Variants in PIP5K1B observed in about 807,000 individuals in gnomAD.
The protein encoded by PIP5K1B is phosphatidylinositol 4-phosphate 5-kinase type-1 beta.
In PIP5K1B, 42 loss-of-function variants were observed where a neutral mutation model predicts 67.0. The ratio of observed to expected loss-of-function variants is 0.63; its 90% confidence interval spans 0.49 to 0.81. The LOEUF (loss-of-function observed/expected upper bound fraction) is 0.81. PIP5K1B is among the 30% of genes least tolerant of loss of function. The probability of loss-of-function intolerance (pLI) is 0.00; values close to 1 mark genes in which losing one functional copy is unlikely to be tolerated. For missense variants in PIP5K1B, 459 were observed against 646.3 expected (o/e 0.71, Z 3.14); for synonymous variants, 214 against 231.4 (o/e 0.92, Z 0.68).
chr9:68,824,391 T>C (rs1349263265), intron 4 of PIP5K1B: 4 of 389,542 alleles, frequency 1.0e-5, no homozygotes, highest in Non-Finnish European at 1.5e-5. Context: ...CAATAATTAG[T>C]ATAGGTAATT....
chr9:68,970,222 T>C (rs1315781364), intron 14 of PIP5K1B, among the ~76,000 whole-genome samples: 1 of 152,216 alleles, frequency 6.6e-6, no homozygotes, highest in Admixed American at 6.5e-5. Flanking sequence ...TGATAAAATC[T>C]AAAATTGTTT....
chr9:68,757,520 C>A (rs764496992), intron 2 of PIP5K1B, among the ~76,000 whole-genome samples: 21 of 152,090 alleles, frequency 1.4e-4, no homozygotes, highest in African/African-American at 1.9e-4. Context: ...CTACCTCTTT[C>A]TCTCTGAAAG....
intron 14 of PIP5K1B, among the ~76,000 whole-genome samples, chr9:68,977,949 T>C (rs942188821): frequency 9.9e-5 from 15 of 152,184 alleles, no homozygotes; most frequent in Non-Finnish European, 5.9e-5. Context: ...GCCTGGCCTA[T>C]TGGCTTCTTT....
chr9:68,985,344 C>A (rs1391477195), intron 14 of PIP5K1B, among the ~76,000 whole-genome samples: 1 of 151,898 alleles, frequency 6.6e-6, no homozygotes, highest in Non-Finnish European at 1.5e-5. Context: ...CTCCGTCTTC[C>A]GGATTCAAGC....
At chr9:68,869,270 A>G (rs1244922927) in intron 5 of PIP5K1B, among the ~76,000 whole-genome samples, 1 of 152,222 alleles carries the variant, frequency 6.6e-6, no homozygotes, top group Admixed American at 6.5e-5. Context: ...CACTGGCAGC[A>G]TTAGATTCTC....
At chr9:68,758,986 A>G (rs923851028) in intron 2 of PIP5K1B, among the ~76,000 whole-genome samples, 1 of 152,174 alleles carries the variant, frequency 6.6e-6, no homozygotes, top group African/African-American at 2.4e-5. Context: ...AGAGTTCTAT[A>G]TTCAGCAAAA....
chr9:68,724,616 T>C (rs1828064567), intron 1 of PIP5K1B, among the ~76,000 whole-genome samples: 1 of 152,170 alleles, frequency 6.6e-6, no homozygotes, highest in African/African-American at 2.4e-5. Context: ...TCATCAATGT[T>C]GTATAGTTTT....
chr9:68,946,917 A>G (rs933268066), intron 14 of PIP5K1B, among the ~76,000 whole-genome samples: 6 of 152,218 alleles, frequency 3.9e-5, no homozygotes, highest in African/African-American at 1.2e-4. Context: ...TTACTATACT[A>G]CTGCCCCCAG....
chr9:68,780,282 C>T, intron 2 of PIP5K1B: 2 of 1,587,780 alleles, frequency 1.3e-6, no homozygotes, highest in Non-Finnish European at 8.6e-7. Flanking sequence ...CAGCGCCCCC[C>T]TGATCCACGG....
At chr9:68,946,305 A>G (rs1827798669) in intron 14 of PIP5K1B, among the ~76,000 whole-genome samples, 1 of 152,238 alleles carries the variant, frequency 6.6e-6, no homozygotes. Flanking sequence ...ACACCAGTCT[A>G]GGGCTACACA....
At chr9:68,841,698 C>A (rs1338158578) in intron 4 of PIP5K1B, among the ~76,000 whole-genome samples, 1 of 152,144 alleles carries the variant, frequency 6.6e-6, no homozygotes, top group African/African-American at 2.4e-5. Flanking sequence ...ATTAGACAGA[C>A]CTTTTTTCTT....
At chr9:68,707,473 A>G (rs1827176947) in intron 1 of PIP5K1B, 1 of 152,030 alleles carries the variant, frequency 6.6e-6, no homozygotes, top group Non-Finnish European at 1.5e-5. Context: ...TTAGAATCAC[A>G]GTTAGGTTTT....
At chr9:68,792,953 C>T (rs1160903252) in intron 2 of PIP5K1B, among the ~76,000 whole-genome samples, 1 of 152,004 alleles carries the variant, frequency 6.6e-6, no homozygotes, top group East Asian at 1.9e-4. Context: ...CTTTGGTGTA[C>T]AAAACAAAGA....
At chr9:68,871,873 A>G (rs1823640746) in intron 5 of PIP5K1B, among the ~76,000 whole-genome samples, 1 of 150,376 alleles carries the variant, frequency 6.6e-6, no homozygotes, top group African/African-American at 2.4e-5. Flanking sequence ...CAAAGCTTCA[A>G]CTTACGCCAA....
At chr9:68,859,206 C>G (rs11144021) in intron 4 of PIP5K1B, among the ~76,000 whole-genome samples, 63,656 of 152,086 alleles carry the variant, frequency 0.42, 13,393 homozygotes, top group South Asian at 0.45. Flanking sequence ...CAAATGTGAT[C>G]GTTAAAAGAC....
rs919741048 is a variant in PIP5K1B, at chr9:68,979,971, T to A, written c.1503-11169T>A. Among the ~76,000 whole-genome samples, 7 of 152,146 alleles carry A rather than the reference T, an allele frequency of 4.6e-5. No homozygotes were observed. The East Asian group carries it at 1.3e-3, about 29-fold the overall frequency. On this transcript the variant is annotated intron_variant, in intron 14 of 15. Transcript: ENST00000265382. ...CTGTATGGTGGCAGGCGGCTAAGCA[T>A]TCTGGGTGCAGTGACTGTGGTCAAA...
chr9:68,989,953 G>A (rs962673359), intron 14 of PIP5K1B, among the ~76,000 whole-genome samples: 9 of 152,058 alleles, frequency 5.9e-5, no homozygotes, highest in African/African-American at 2.2e-4. Context: ...GCACTCCACA[G>A]CCTGGGCAAG....
intron 7 of PIP5K1B, among the ~76,000 whole-genome samples, chr9:68,893,937 G>A (rs1408998498): frequency 6.6e-6 from 1 of 152,196 alleles, no homozygotes; most frequent in Non-Finnish European, 1.5e-5. Flanking sequence ...TAGTGTGGTT[G>A]TAAATTGGTC....
intron 8 of PIP5K1B, among the ~76,000 whole-genome samples, chr9:68,904,750 T>C (rs1394870228): frequency 2.0e-5 from 2 of 101,402 alleles, no homozygotes; most frequent in Non-Finnish European, 2.2e-5. Flanking sequence ...ATCAAGTCAG[T>C]AGTTTGCTTT....
Sources: allele counts gnomAD v4.1 joint callset (sites outside exome capture counted in the v4.1 genomes callset), GRCh38; gene constraint gnomAD v4.1.1; transcripts MANE v1.5; gene names NCBI Gene and HGNC (gene_info 2026-07-23, HGNC 2026-07-21).